HTD2: variants seen among roughly 807,000 people sequenced by gnomAD.
HTD2 encodes hydroxyacyl-thioester dehydratase type 2.
A neutral mutation model predicts 3.1 loss-of-function variants in HTD2; 1 was observed. That is an observed-to-expected ratio of 0.32 (90% confidence interval 0.11 to 1.52). HTD2 has a LOEUF of 1.52. HTD2 is among the 40% of genes most tolerant of loss of function. The pLI is 0.39. For synonymous variants in HTD2, 50 were observed against 28.9 expected, an observed-to-expected ratio of 1.73 and a Z score of -2.34; for missense variants, 150 against 79.6, an observed-to-expected ratio of 1.88 and a Z score of -3.36.
In HTD2 at chr3:58,319,472, G is replaced by A. The variant is rs1045115; in HGVS notation, c.*1352G>A. Reference sequence around the variant, plus strand: ...TGAGGTGAGAGGTTTTCCTGAGTTTGAAGCTGACTGGCCCACAGTTAAACG... The same window carrying A: ...TGAGGTGAGAGGTTTTCCTGAGTTTAAAGCTGACTGGCCCACAGTTAAACG... On this transcript the variant is annotated 3_prime_UTR_variant, in exon 5 of 5. Coordinates refer to ENST00000461393, the MANE Select transcript of HTD2 (RefSeq NM_001348712.2). 10,694 of 152,230 alleles carry A rather than the reference G, an allele frequency of 0.07. 497 individuals carry two copies. Among genetic ancestry groups the A allele is most frequent in the South Asian group, 0.1 (494 of 4,824 alleles). The allele number at this position is 152,230 out of a possible 1,614,324, so 9.4% of individuals were successfully genotyped here. A position where few individuals can be genotyped will look rare whatever the true frequency, so the allele number is the denominator to read the frequency against.
chr3:58,317,972 T>C lies in HTD2; in HGVS notation c.359T>C (p.Ile120Thr). 1 of 703,014 alleles carries C rather than the reference T, an allele frequency of 1.4e-6. No homozygotes were observed. Among genetic ancestry groups the C allele is most frequent in the South Asian group, 1.5e-5 (1 of 67,592 alleles). The allele number at this position is 703,014 out of a possible 1,614,324, so 43.5% of individuals were successfully genotyped here. A position where few individuals can be genotyped will look rare whatever the true frequency, so the allele number is the denominator to read the frequency against. ...QEISFPAPLY[I>T]GEVVLASAEV... ...ATTAGCTTTCCAGCCCCTTTATATA[T>C]TGGAGAAGTTGTTTTAGCTTCTGCA... Residue 120 changes from isoleucine to threonine, a missense_variant, in exon 5 of 5, where the codon ATT becomes ACT. Ile to Thr is a moderately conservative substitution (Grantham distance 89, BLOSUM62 -1). Coordinates refer to ENST00000461393, the MANE Select transcript of HTD2 (RefSeq NM_001348712.2).
chr3:58,313,252 CGG>C (rs1475030362), intron 2 of HTD2, among the ~76,000 whole-genome samples: 2 of 151,956 alleles, frequency 1.3e-5, no homozygotes, highest in Non-Finnish European at 2.9e-5. Context: ...GAGCGAGACT[CGG>C]TCTCAAAAAA....
chr3:58,310,553 C>T lies in HTD2; in HGVS notation c.-369C>T. On this transcript the variant is annotated 5_prime_UTR_variant, in exon 2 of 5. Coordinates refer to ENST00000461393, the MANE Select transcript of HTD2 (RefSeq NM_001348712.2). ...TGGACTGAATGCTGCACAGTTCAAA[C>T]AGCTGCTTATTTCGGCTGTGAAGGA... is the stretch of plus-strand genomic sequence containing the variant. 6.2e-7 allele frequency: 1 copy of T among 1,612,612 alleles called. No individual in the cohort carries two copies. Among genetic ancestry groups the T allele is most frequent in the Non-Finnish European group, 8.5e-7 (1 of 1,179,630 alleles).
chr3:58,318,345 G>A lies in HTD2; in HGVS notation c.*225G>A, dbSNP rs1484882499. 4.8e-6 allele frequency: 2 copies of A among 419,884 alleles called. No individual in the cohort carries two copies. Among genetic ancestry groups the A allele is most frequent in the Non-Finnish European group, 8.4e-6 (2 of 238,442 alleles). 26.0% of individuals were successfully genotyped at this position (419,884 alleles called of 1,614,324 possible). On this transcript the variant is annotated 3_prime_UTR_variant, in exon 5 of 5. Coordinates refer to ENST00000461393, the MANE Select transcript of HTD2 (RefSeq NM_001348712.2). ...ATTTCATTATCTGCCTGGGTTTTTT[G>A]TTTGTTTTTTGTTTTTTAATTCAAG...
chr3:58,317,648 G>T lies in HTD2; in HGVS notation c.35G>T (p.Trp12Leu). The stretch of plus-strand genomic sequence containing the variant: ...CTAATTTCCAGCCATCACCTTTGGT[G>T]GGGTGGGCTTCGGAGGACAGTCTGT... ...FPLISSHHLW[W>L]GGLRRTVCLN... The change falls in exon 5 of 5, where the codon TGG becomes TTG. Residue 12 changes from tryptophan to leucine, a missense_variant. Trp to Leu is a moderately conservative substitution (Grantham distance 61). Transcript: ENST00000461393. 1 of 718,792 alleles carries T rather than the reference G, an allele frequency of 1.4e-6. No individual in the cohort carries two copies. Among genetic ancestry groups the T allele is most frequent in the South Asian group, 1.5e-5 (1 of 68,348 alleles). 44.5% of individuals were successfully genotyped at this position (718,792 alleles called of 1,614,324 possible).
intron 2 of HTD2, among the ~76,000 whole-genome samples, chr3:58,312,066 T>C (rs1240743585): frequency 6.6e-6 from 1 of 151,864 alleles, no homozygotes; most frequent in Admixed American, 6.6e-5. Context: ...GGTCTCACTA[T>C]GTTGCCCAGG....
intron 4 of HTD2, 149 bp from the exon 5 acceptor site, chr3:58,317,291 A>G (rs1426569963): frequency 1.6e-6 from 1 of 621,360 alleles, no homozygotes; most frequent in Non-Finnish European, 2.9e-6. Context: ...AGATGTGACC[A>G]CTTGTTATCG....
In HTD2 at chr3:58,310,584, T is replaced by C; in HGVS notation, c.-338T>C. The C allele has an allele frequency of 6.2e-7, 1 of 1,611,782 alleles. No individual in the cohort carries two copies. Among genetic ancestry groups the C allele is most frequent in the African/African-American group, 1.3e-5 (1 of 74,726 alleles). ...CTTATTTCGGCTGTGAAGGACCTGTTTGGGGAGGTATGGAATCACTTGGTA... is the reference window on the plus strand; with the variant it reads ...CTTATTTCGGCTGTGAAGGACCTGTCTGGGGAGGTATGGAATCACTTGGTA... On this transcript the variant is annotated 5_prime_UTR_variant, in exon 2 of 5. Transcript: ENST00000461393.
rs551057358 is a variant in HTD2, at chr3:58,314,504, A to G, written c.-330-2011A>G. On this transcript the variant is annotated intron_variant, in intron 2 of 4. Coordinates refer to ENST00000461393, the MANE Select transcript of HTD2 (RefSeq NM_001348712.2). ...GGAAAGATGTTTAACATTAGCCATT[A>G]GGGAAATGCACATTAATGACACAAT... is the stretch of plus-strand genomic sequence containing the variant. Among the ~76,000 whole-genome samples, 6 of 152,306 alleles carry G rather than the reference A, an allele frequency of 3.9e-5. 1 individual carries two copies. In the South Asian group the frequency reaches 1.2e-3, roughly 32 times the overall value.
At chr3:58,312,335 C>T (rs1203300439) in intron 2 of HTD2, among the ~76,000 whole-genome samples, 3 of 83,778 alleles carry the variant, frequency 3.6e-5, no homozygotes, top group African/African-American at 1.3e-4. Context: ...AACCTCCGCA[C>T]CCCCCCCCGC....
In HTD2 at chr3:58,319,337, T is replaced by C. The variant is rs1467961041; in HGVS notation, c.*1217T>C. The C allele has an allele frequency of 1.3e-5, 2 of 152,190 alleles. No individual in the cohort carries two copies. Among genetic ancestry groups the C allele is most frequent in the Non-Finnish European group, 2.9e-5 (2 of 68,046 alleles). The allele number at this position is 152,190 out of a possible 1,614,324, so 9.4% of individuals were successfully genotyped here. On this transcript the variant is annotated 3_prime_UTR_variant, in exon 5 of 5. Transcript: ENST00000461393. ...GTAAACGGTCTGATCTGTAAAATAG[T>C]GGTAGCACATGCCATGTGGGATAGT...
chr3:58,312,980 A>T (rs79680826), intron 2 of HTD2, among the ~76,000 whole-genome samples: 2 of 135,790 alleles, frequency 1.5e-5, no homozygotes, highest in East Asian at 2.6e-4. Flanking sequence ...AAAAAAAAAA[A>T]GGGCTGGGCA....
Position 58,317,012 on chromosome 3 carries a change from C to A in HTD2, c.-175+19C>A. On this transcript the variant is annotated intron_variant, in intron 4 of 4. Transcript: ENST00000461393. ...GATTCAGGTAAAGACTATTCCCTCA[C>A]ATATTCCAAACAAGACTGAGTGATG... 6.3e-7 allele frequency: 1 copy of A among 1,584,896 alleles called. No individual in the cohort carries two copies. Among genetic ancestry groups the A allele is most frequent in the Non-Finnish European group, 8.7e-7 (1 of 1,154,970 alleles).
chr3:58,307,595 G>C (rs2097476883), intron 1 of HTD2, among the ~76,000 whole-genome samples: 1 of 152,112 alleles, frequency 6.6e-6, no homozygotes, highest in African/African-American at 2.4e-5. Context: ...GCGTGATGAC[G>C]TACGCCTGTA....
chr3:58,314,698 T>TGTTG (rs2097486410), intron 2 of HTD2, among the ~76,000 whole-genome samples: 3 of 145,546 alleles, frequency 2.1e-5, no homozygotes, highest in African/African-American at 7.7e-5. Context: ...TTTTTTTTTT[T>TGTTG]TTGTTGAGAT....
chr3:58,314,675 A>ATTTTTTTTTTTTTTTTTTTTTT (rs751757663), intron 2 of HTD2, among the ~76,000 whole-genome samples: 17 of 90,562 alleles, frequency 1.9e-4, no homozygotes, highest in Non-Finnish European at 2.1e-4. Flanking sequence ...GTTTGGCAGT[A>ATTTTTTTTTTTTTTTTTTTTTT]TTTTTTTTTT....
intron 2 of HTD2, among the ~76,000 whole-genome samples, chr3:58,315,281 A>G (rs2097487080): frequency 6.6e-6 from 1 of 152,064 alleles, no homozygotes; most frequent in South Asian, 2.1e-4. Context: ...AAAAAAGCCA[A>G]TCCCAAAACA....
intron 1 of HTD2, among the ~76,000 whole-genome samples, chr3:58,306,899 A>C (rs575149826): frequency 1.7e-4 from 26 of 152,328 alleles, no homozygotes; most frequent in African/African-American, 6.0e-4. Context: ...CATAATTGTC[A>C]TAGAAAAAGG....
chr3:58,318,253 G>A lies in HTD2; in HGVS notation c.*133G>A. 1.7e-6 allele frequency: 1 copy of A among 571,668 alleles called. No individual in the cohort carries two copies. Among genetic ancestry groups the A allele is most frequent in the Admixed American group, 3.5e-5 (1 of 28,892 alleles). 35.4% of individuals were successfully genotyped at this position (571,668 alleles called of 1,614,324 possible). A position where few individuals can be genotyped will look rare whatever the true frequency, so the allele number is the denominator to read the frequency against. The stretch of plus-strand genomic sequence containing the variant: ...CTTAGTTAGGGGAAGGGAGCAGGAA[G>A]AGGGTTGTTCAAATGCCCACTTTCC... On this transcript the variant is annotated 3_prime_UTR_variant, in exon 5 of 5. Coordinates refer to ENST00000461393, the MANE Select transcript of HTD2 (RefSeq NM_001348712.2).
Sources: allele counts gnomAD v4.1 joint callset (sites outside exome capture counted in the v4.1 genomes callset), GRCh38; gene constraint gnomAD v4.1.1; transcripts MANE v1.5; gene names NCBI Gene and HGNC (gene_info 2026-07-23, HGNC 2026-07-21).